DCLK3: variants seen among roughly 807,000 people sequenced by gnomAD.
The protein encoded by DCLK3 is doublecortin like kinase 3, also known as serine/threonine-protein kinase DCLK3.
DCLK3 carries 30 observed loss-of-function variants against 46.4 expected under a neutral mutation model. That is an observed-to-expected ratio of 0.65 (90% CI 0.48 to 0.88). DCLK3 has a LOEUF of 0.88. Ranked by LOEUF, DCLK3 falls within the 40% of genes least tolerant of loss-of-function variation. The pLI is 0.00. For missense variants in DCLK3, 846 were observed against 907.1 expected (o/e 0.93, Z 0.87); for synonymous variants, 401 against 339.2 (o/e 1.18, Z -2.00).
intron 2 of DCLK3, among the ~76,000 whole-genome samples, chr3:36,731,056 A>T (rs1333377479): frequency 6.6e-6 from 1 of 152,086 alleles, no homozygotes; most frequent in Non-Finnish European, 1.5e-5. Context: ...TTTATTCTGA[A>T]TGTGAATGCG....
intron 1 of DCLK3, among the ~76,000 whole-genome samples, chr3:36,741,861 T>C (rs887984704): frequency 2.6e-5 from 4 of 152,148 alleles, no homozygotes; most frequent in African/African-American, 9.7e-5. Flanking sequence ...ATAATAGCTC[T>C]GAAGCAGACC....
rs1354085087 is a variant in DCLK3, at chr3:36,737,460, G to C, written c.1707C>G (p.Asp569Glu). ...GGCTCTGGATGATCAAGATCTCACT[G>C]TCCACCATGTCCTCCTTGCCCTTGA... ...SRLKGKEDMVDSEILIIQSLS... is the reference protein window; with the variant it reads ...SRLKGKEDMVESEILIIQSLS... The change falls in exon 2 of 5, where the codon GAC (aspartate) becomes GAG (glutamate). Residue 569 changes from aspartate to glutamate, a missense_variant. Physicochemically the swap from Asp to Glu is conservative, Grantham distance 45. This residue lies in a region of DCLK3 where 247 missense variants were observed against 322.8 expected (regional missense o/e 0.77). Coordinates refer to ENST00000636136, the MANE Select transcript of DCLK3 (RefSeq NM_001394672.2). This position sits in a 1 kb window ranked among gnomAD's most constrained non-coding sequence, Gnocchi z 4.4. 1 of 1,614,180 alleles carries C rather than the reference G, an allele frequency of 6.2e-7. No individual in the cohort carries two copies. Among genetic ancestry groups the C allele is most frequent in the Non-Finnish European group, 8.5e-7 (1 of 1,180,044 alleles).
At chr3:36,725,801 A>C (rs373603205) in intron 2 of DCLK3, among the ~76,000 whole-genome samples, 7 of 152,192 alleles carry the variant, frequency 4.6e-5, no homozygotes, top group African/African-American at 1.7e-4. Context: ...TAAAATAGAG[A>C]AAAGGCACAC....
rs1700926777 is a variant in DCLK3, at chr3:36,712,826, A to T, written c.*2502T>A. 1 of 152,130 alleles carries T rather than the reference A, an allele frequency of 6.6e-6. No homozygotes were observed. The highest frequency in any genetic ancestry group is 1.5e-5 in the Non-Finnish European group (1 of 68,028). 9.4% of individuals were successfully genotyped at this position (152,130 alleles called of 1,614,324 possible). On this transcript the variant is annotated 3_prime_UTR_variant, in exon 5 of 5. Transcript: ENST00000636136. Reference sequence around the variant, plus strand: ...CATTGTGTGGATATACAATCTGTTTATCCATGCACCAAATCATGCCCATTC... The same window carrying T: ...CATTGTGTGGATATACAATCTGTTTTTCCATGCACCAAATCATGCCCATTC...
intron 1 of DCLK3, among the ~76,000 whole-genome samples, chr3:36,752,878 T>C (rs373445380): frequency 6.6e-6 from 1 of 152,210 alleles, no homozygotes; most frequent in East Asian, 1.9e-4. Context: ...TTTAAATTAA[T>C]TAAAAGTATT....
chr3:36,737,783 C>T lies in DCLK3; in HGVS notation c.1384G>A (p.Glu462Lys), dbSNP rs1174485950. 1.9e-6 allele frequency: 3 copies of T among 1,614,214 alleles called. No individual in the cohort carries two copies. In the East Asian group the frequency reaches 6.7e-5, roughly 36 times the overall value. Residue 462 changes from glutamate to lysine, a missense_variant, in exon 2 of 5, where the codon GAA (glutamate) becomes AAA (lysine). This residue lies in a region of DCLK3 where 553 missense variants were observed against 543.0 expected (regional missense o/e 1.02). Coordinates refer to ENST00000636136, the MANE Select transcript of DCLK3 (RefSeq NM_001394672.2). This position sits in a 1 kb window ranked among gnomAD's most constrained non-coding sequence, Gnocchi z 4.4. ...TTCTCCTTCTCTGCCTCCTTCTCTT[C>T]TCCTCGGGTCCTGCGGAGCTTCTCA... is the stretch of plus-strand genomic sequence containing the variant. ...GFEKLRRTRG[E>K]EKEAEKEKKP... is the part of the protein sequence containing the mutation.
chr3:36,715,189 T>C lies in DCLK3; in HGVS notation c.*139A>G. On this transcript the variant is annotated 3_prime_UTR_variant, in exon 5 of 5. Transcript: ENST00000636136. ...CATTGACTTAATTTTTTTAATATGC[T>C]TTAAAATATACTCAGTGTCTCTCCC... is the stretch of plus-strand genomic sequence containing the variant. 1 of 949,842 alleles carries C rather than the reference T, an allele frequency of 1.1e-6. No homozygotes were observed. Among genetic ancestry groups the C allele is most frequent in the Non-Finnish European group, 1.5e-6 (1 of 669,574 alleles). The allele number at this position is 949,842 out of a possible 1,614,324, so 58.8% of individuals were successfully genotyped here.
intron 1 of DCLK3, among the ~76,000 whole-genome samples, chr3:36,759,169 A>G (rs1039855705): frequency 3.3e-5 from 5 of 152,210 alleles, no homozygotes; most frequent in Non-Finnish European, 4.4e-5. Flanking sequence ...TATTACTCTT[A>G]TTTGAGAAAC....
In DCLK3 at chr3:36,737,301, A is replaced by C; in HGVS notation, c.1866T>G (p.Asp622Glu). 2 of 1,614,224 alleles carry C rather than the reference A, an allele frequency of 1.2e-6. No homozygotes were observed. Among genetic ancestry groups the C allele is most frequent in the Non-Finnish European group, 1.7e-6 (2 of 1,180,050 alleles). Residue 622 changes from aspartate to glutamate, a missense_variant, in exon 2 of 5, where the codon GAT becomes GAG. Asp to Glu is a conservative substitution (Grantham distance 45, BLOSUM62 2). This residue lies in a region of DCLK3 where 247 missense variants were observed against 322.8 expected (regional missense o/e 0.77). Coordinates refer to ENST00000636136, the MANE Select transcript of DCLK3 (RefSeq NM_001394672.2). The surrounding 1 kb of genome is among the most constrained non-coding windows in gnomAD (Gnocchi z 4.4). ...IIESVKFPEP[D>E]AALMIMDLCK... ...ATAAGTCCATGATCATGAGGGCAGC[A>C]TCGGGCTCCGGGAACTTCACACTTT... is the stretch of plus-strand genomic sequence containing the variant.
At chr3:36,722,145 G>A (rs1701069214) in intron 2 of DCLK3, among the ~76,000 whole-genome samples, 2 of 152,236 alleles carry the variant, frequency 1.3e-5, no homozygotes, top group African/African-American at 4.8e-5. Flanking sequence ...GGGCAATGCA[G>A]AGGCTGGGCA....
chr3:36,751,079 A>AG (rs1225137630), intron 1 of DCLK3, among the ~76,000 whole-genome samples: 1 of 151,334 alleles, frequency 6.6e-6, no homozygotes, highest in Non-Finnish European at 1.5e-5. Context: ...AAAAAAAAAA[A>AG]AAAAAAACTC....
chr3:36,758,565 A>G (rs1424283779), intron 1 of DCLK3, among the ~76,000 whole-genome samples: 1 of 152,066 alleles, frequency 6.6e-6, no homozygotes, highest in Non-Finnish European at 1.5e-5. Flanking sequence ...TCCCCTTTGG[A>G]GTGTGTAGCA....
At chr3:36,761,329 A>G (rs997760538) in intron 1 of DCLK3, among the ~76,000 whole-genome samples, 1 of 152,156 alleles carries the variant, frequency 6.6e-6, no homozygotes, top group Non-Finnish European at 1.5e-5. Flanking sequence ...CTATTAAATG[A>G]ATGGTGAAGA....
chr3:36,753,583 C>T (rs547092612), intron 1 of DCLK3, among the ~76,000 whole-genome samples: 5 of 152,152 alleles, frequency 3.3e-5, no homozygotes, highest in African/African-American at 4.8e-5. Flanking sequence ...GCAGACAAAG[C>T]AATTGGAAAA....
chr3:36,757,387 G>A (rs146366515), intron 1 of DCLK3, among the ~76,000 whole-genome samples: 1 of 152,150 alleles, frequency 6.6e-6, no homozygotes, highest in African/African-American at 2.4e-5. Flanking sequence ...AAAACTGAAG[G>A]CAGAAAACTA....
intron 1 of DCLK3, among the ~76,000 whole-genome samples, chr3:36,749,828 T>C (rs1701424065): frequency 2.0e-5 from 3 of 152,236 alleles, no homozygotes. Flanking sequence ...TAAAATAATT[T>C]GAAAAGAAAT....
chr3:36,733,625 G>C (rs1170817669), intron 2 of DCLK3, among the ~76,000 whole-genome samples: 6 of 152,144 alleles, frequency 3.9e-5, no homozygotes, highest in African/African-American at 1.4e-4. Context: ...CTCCTCCAAG[G>C]AGCACACACT....
chr3:36,763,392 C>G (rs1273453875), intron 1 of DCLK3, among the ~76,000 whole-genome samples: 3 of 152,268 alleles, frequency 2.0e-5, no homozygotes, highest in Admixed American at 1.3e-4. Context: ...ACTGGCACAG[C>G]CTTCTCCCTT....
intron 2 of DCLK3, among the ~76,000 whole-genome samples, chr3:36,732,443 C>T (rs1701209795): frequency 6.6e-6 from 1 of 152,154 alleles, no homozygotes; most frequent in Non-Finnish European, 1.5e-5. Context: ...TACTGAGAGC[C>T]TGTCTTACCA....
Sources: allele counts gnomAD v4.1 joint callset (sites outside exome capture counted in the v4.1 genomes callset), GRCh38; gene constraint gnomAD v4.1.1; regional missense constraint gnomAD v4.1.1; non-coding constraint Gnocchi (gnomAD v3.1); transcripts MANE v1.5; gene names NCBI Gene and HGNC (gene_info 2026-07-23, HGNC 2026-07-21).